The following NCEH1 variants were observed in gnomAD, a reference collection of about 807,000 sequenced individuals.
NCEH1 encodes the protein 2-acetyl MAGE hydrolase.
In NCEH1, 9 loss-of-function variants were observed where a neutral mutation model predicts 25.4. The ratio of observed to expected loss-of-function variants is 0.35; its 90% CI spans 0.21 to 0.62. The LOEUF is 0.62. Ranked by LOEUF, NCEH1 falls within the 20% of genes least tolerant of loss-of-function variation. The pLI, the probability that NCEH1 is intolerant of heterozygous loss-of-function variation, is 0.72. For synonymous variants in NCEH1, 200 were observed against 199.8 expected, an observed-to-expected ratio of 1.00 and a Z score of -0.01; for missense variants, 412 against 501.1, an observed-to-expected ratio of 0.82 and a Z score of 1.70.
chr3:172,674,303 G>T (rs979119686), intron 1 of NCEH1, among the ~76,000 whole-genome samples: 2 of 152,006 alleles, frequency 1.3e-5, no homozygotes, highest in Admixed American at 6.6e-5. Flanking sequence ...AATTAGCCGG[G>T]TGTGGTGGCA....
chr3:172,640,114 G>T (rs1227414857), intron 3 of NCEH1, among the ~76,000 whole-genome samples: 1 of 152,212 alleles, frequency 6.6e-6, no homozygotes, highest in Non-Finnish European at 1.5e-5. Context: ...CTGTGGAAGG[G>T]ACGCCAAGTT....
In NCEH1 at chr3:172,632,369, T is replaced by G. The variant is rs1716397363; in HGVS notation, c.*1106A>C. ...TAAAAAATACCATTGTTTTTAATATTTATTATGGACATCTTTCTGAAAAAC... is the reference window on the plus strand; with the variant it reads ...TAAAAAATACCATTGTTTTTAATATGTATTATGGACATCTTTCTGAAAAAC... On this transcript the variant is annotated 3_prime_UTR_variant, in exon 5 of 5. Coordinates refer to ENST00000475381, the MANE Select transcript of NCEH1 (RefSeq NM_020792.6). 1 of 152,372 alleles carries G rather than the reference T, an allele frequency of 6.6e-6. No homozygotes were observed. Among genetic ancestry groups the G allele is most frequent in the Non-Finnish European group, 1.5e-5 (1 of 68,024 alleles). The allele number at this position is 152,372 out of a possible 1,614,324, so 9.4% of individuals were successfully genotyped here.
chr3:172,705,598 A>G (rs1170805888), intron 1 of NCEH1, among the ~76,000 whole-genome samples: 1 of 152,130 alleles, frequency 6.6e-6, no homozygotes, highest in Non-Finnish European at 1.5e-5. Flanking sequence ...AAAGACAGAT[A>G]TGTTGTCCAG....
intron 1 of NCEH1, among the ~76,000 whole-genome samples, chr3:172,689,913 T>TTC (rs1712937317): frequency 6.8e-6 from 1 of 146,436 alleles, no homozygotes; most frequent in African/African-American, 2.7e-5. Context: ...TTATTTATTT[T>TTC]TTTTTTTTGA....
At chr3:172,694,845 T>C (rs531144340) in intron 1 of NCEH1, among the ~76,000 whole-genome samples, 3 of 152,334 alleles carry the variant, frequency 2.0e-5, no homozygotes, top group African/African-American at 7.2e-5. Flanking sequence ...CTATTCTTCA[T>C]TCAGGGGATT....
chr3:172,685,009 C>A (rs1457817939), intron 1 of NCEH1, among the ~76,000 whole-genome samples: 1 of 146,668 alleles, frequency 6.8e-6, no homozygotes, highest in Non-Finnish European at 1.5e-5. Flanking sequence ...AAAGACCCAT[C>A]TTTGGGCCAG....
At chr3:172,651,050 CTAT>C (rs1461050284) in intron 1 of NCEH1, among the ~76,000 whole-genome samples, 1 of 152,120 alleles carries the variant, frequency 6.6e-6, no homozygotes, top group African/African-American at 2.4e-5. Context: ...TTTCTTGGTA[CTAT>C]TATAAATAAT....
chr3:172,708,897 G>A (rs1560213978), intron 1 of NCEH1, among the ~76,000 whole-genome samples: 1 of 152,160 alleles, frequency 6.6e-6, no homozygotes, highest in Non-Finnish European at 1.5e-5. Flanking sequence ...GAAAACTCAG[G>A]AAGATTTGAG....
chr3:172,650,811 CGAAAAAAAA>C (rs1376122223), intron 1 of NCEH1, among the ~76,000 whole-genome samples: 175 of 89,978 alleles, frequency 1.9e-3, no homozygotes, highest in Admixed American at 2.4e-3. Context: ...GACTCTGCCT[CGAAAAAAAA>C]AAAAAAAAAA....
chr3:172,671,541 A>G (rs1198549767), intron 1 of NCEH1, among the ~76,000 whole-genome samples: 3 of 151,964 alleles, frequency 2.0e-5, no homozygotes, highest in Non-Finnish European at 4.4e-5. Context: ...ATATAGATAT[A>G]TATACAAATA....
chr3:172,694,532 A>G (rs1289788365), intron 1 of NCEH1, among the ~76,000 whole-genome samples: 1 of 152,184 alleles, frequency 6.6e-6, no homozygotes, highest in Non-Finnish European at 1.5e-5. Context: ...ATGATGGCTC[A>G]ATATCAACAT....
intron 1 of NCEH1, among the ~76,000 whole-genome samples, chr3:172,664,860 A>G (rs1489324933): frequency 6.6e-6 from 1 of 152,174 alleles, no homozygotes; most frequent in African/African-American, 2.4e-5. Flanking sequence ...CCATTTGTCT[A>G]ATCTTTTTTC....
intron 1 of NCEH1, among the ~76,000 whole-genome samples, chr3:172,673,079 A>T (rs948647922): frequency 1.3e-5 from 2 of 152,150 alleles, no homozygotes; most frequent in East Asian, 1.9e-4. Context: ...TAAACACTAG[A>T]CCCAGTCTCT....
chr3:172,672,067 G>C (rs1711667888), intron 1 of NCEH1, among the ~76,000 whole-genome samples: 1 of 152,154 alleles, frequency 6.6e-6, no homozygotes, highest in Non-Finnish European at 1.5e-5. Context: ...AAGCTCCACG[G>C]TAAGTGCCTT....
chr3:172,706,779 G>A (rs573108581), intron 1 of NCEH1, among the ~76,000 whole-genome samples: 11 of 152,044 alleles, frequency 7.2e-5, no homozygotes, highest in Non-Finnish European at 1.5e-4. Context: ...AGGATTACAG[G>A]CATGAGCCAC....
intron 1 of NCEH1, among the ~76,000 whole-genome samples, chr3:172,690,412 G>C (rs915451833): frequency 6.6e-6 from 1 of 152,084 alleles, no homozygotes; most frequent in Non-Finnish European, 1.5e-5. Flanking sequence ...GAAGTAACAA[G>C]TTAAAAAAAT....
intron 1 of NCEH1, among the ~76,000 whole-genome samples, chr3:172,695,698 C>T (rs1424019334): frequency 6.6e-6 from 1 of 152,132 alleles, no homozygotes; most frequent in African/African-American, 2.4e-5. Flanking sequence ...AGTCCCAGCA[C>T]TTTGGGAGGC....
intron 1 of NCEH1, among the ~76,000 whole-genome samples, chr3:172,674,989 G>C (rs1711881181): frequency 6.6e-6 from 1 of 152,162 alleles, no homozygotes; most frequent in Non-Finnish European, 1.5e-5. Context: ...TGAAAAAAAG[G>C]TTATAAAGAA....
intron 1 of NCEH1, among the ~76,000 whole-genome samples, chr3:172,693,456 T>C (rs1054839323): frequency 3.0e-5 from 4 of 132,802 alleles, no homozygotes; most frequent in Non-Finnish European, 6.3e-5. Context: ...AAAGCCTGAA[T>C]ATGAAAAAAA....
Sources: allele counts gnomAD v4.1 joint callset (sites outside exome capture counted in the v4.1 genomes callset), GRCh38; gene constraint gnomAD v4.1.1; transcripts MANE v1.5; gene names NCBI Gene and HGNC (gene_info 2026-07-23, HGNC 2026-07-21).